Variants in ROBO1 observed in about 807,000 individuals in gnomAD.
ROBO1 encodes roundabout guidance receptor 1, also known as roundabout homolog 1.
Under a neutral mutation model 195.9 loss-of-function variants are expected in ROBO1, and 149 were observed. That is an observed-to-expected ratio of 0.76 (90% CI 0.67 to 0.87). The LOEUF is 0.87. ROBO1 is among the 40% of genes least tolerant of loss of function. ROBO1 has a pLI of 0.00. For synonymous variants in ROBO1, 816 were observed against 733.2 expected (o/e 1.11, Z -1.82); for missense variants, 1,933 against 2,068.3 (o/e 0.93, Z 1.27).
intron 4 of ROBO1, among the ~76,000 whole-genome samples, chr3:78,884,640 AAAGAAAGAAAGGAAGG>A (rs1225256043): frequency 2.3e-5 from 2 of 87,042 alleles, no homozygotes; most frequent in African/African-American, 1.0e-4. Flanking sequence ...AAAGAGAAAG[AAAGAAAGAAAGGAAGG>A]AAGGAAGGAA....
chr3:79,600,047 G>A (rs979515158), intron 1 of ROBO1, among the ~76,000 whole-genome samples: 1 of 151,584 alleles, frequency 6.6e-6, no homozygotes, highest in African/African-American at 2.4e-5. Context: ...TCAAACAAAA[G>A]CAATTTTCAA....
chr3:79,622,296 T>G (rs1168846499), intron 1 of ROBO1, among the ~76,000 whole-genome samples: 1 of 152,214 alleles, frequency 6.6e-6, no homozygotes, highest in East Asian at 1.9e-4. Flanking sequence ...AGCTGGAACC[T>G]GCTTAAGCCT....
intron 5 of ROBO1, among the ~76,000 whole-genome samples, chr3:78,726,246 GAAT>G (rs1274323887): frequency 1.3e-5 from 2 of 151,838 alleles, no homozygotes; most frequent in African/African-American, 2.4e-5. Flanking sequence ...TCAAAACAAT[GAAT>G]AATAGAATAT....
At chr3:79,280,814 G>A (rs1166813568) in intron 2 of ROBO1, among the ~76,000 whole-genome samples, 2 of 152,152 alleles carry the variant, frequency 1.3e-5, no homozygotes, top group African/African-American at 2.4e-5. Flanking sequence ...TTGCTCGCAT[G>A]CGCACTTCAC....
At chr3:79,734,406 A>C (rs1388613315) in intron 1 of ROBO1, among the ~76,000 whole-genome samples, 2 of 152,152 alleles carry the variant, frequency 1.3e-5, no homozygotes, top group Non-Finnish European at 2.9e-5. Flanking sequence ...CAATTATACT[A>C]TCTGTACTTT....
chr3:79,271,794 G>A (rs973420029), intron 2 of ROBO1, among the ~76,000 whole-genome samples: 1 of 151,940 alleles, frequency 6.6e-6, no homozygotes, highest in African/African-American at 2.4e-5. Context: ...TGGCACATTT[G>A]AGTTACTGAA....
At chr3:78,859,936 G>A (rs578113855) in intron 4 of ROBO1, among the ~76,000 whole-genome samples, 11 of 152,170 alleles carry the variant, frequency 7.2e-5, no homozygotes, top group African/African-American at 1.9e-4. Flanking sequence ...AAAATTAGCC[G>A]GGCGTGGTGG....
intron 16 of ROBO1, 84 bp from the exon 17 acceptor site, chr3:78,659,891 G>T (rs1707279214): frequency 4.0e-5 from 37 of 924,490 alleles, no homozygotes; most frequent in African/African-American, 8.9e-5. Context: ...CCCAATAATA[G>T]ATGTATTAAT....
intron 2 of ROBO1, among the ~76,000 whole-genome samples, chr3:79,357,280 C>A (rs1287468507): frequency 6.6e-6 from 1 of 152,078 alleles, no homozygotes; most frequent in Non-Finnish European, 1.5e-5. Context: ...GTGACAATAA[C>A]CTTTGAGAGC....
At position 79,593,402 on chromosome 3, in the gene ROBO1, A is replaced by G. The variant is rs113004533; in HGVS notation, c.-50-3441T>C. Among the ~76,000 whole-genome samples the G allele has an allele frequency of 9.3e-3, 1,410 of 152,126 alleles. 16 individuals carry two copies. The highest frequency in any genetic ancestry group is 0.032 in the African/African-American group (1,322 of 41,536). ...AATGGGTAAGATTTCCTGTTGCTCA[A>G]CATCCTTGCTAGCAGCTGGTGTTGC... On this transcript the variant is annotated intron_variant, in intron 1 of 30. Coordinates refer to ENST00000464233, the MANE Select transcript of ROBO1 (RefSeq NM_002941.4).
chr3:78,837,790 C>T (rs1002802877), intron 4 of ROBO1, among the ~76,000 whole-genome samples: 1 of 151,604 alleles, frequency 6.6e-6, no homozygotes, highest in African/African-American at 2.4e-5. Context: ...ATTGAATTAA[C>T]AAAAAAATAC....
intron 3 of ROBO1, among the ~76,000 whole-genome samples, chr3:79,006,177 C>T (rs2077615791): frequency 6.6e-6 from 1 of 152,072 alleles, no homozygotes; most frequent in African/African-American, 2.4e-5. Context: ...TGTTTGTTAG[C>T]TTTAGGACAA....
At chr3:78,683,660 C>T (rs1022811377) in intron 10 of ROBO1, among the ~76,000 whole-genome samples, 1 of 151,866 alleles carries the variant, frequency 6.6e-6, no homozygotes, top group Non-Finnish European at 1.5e-5. Flanking sequence ...AATAAGATGC[C>T]ACTGCAATTC....
At chr3:78,620,032 A>T (rs1704362875) in intron 26 of ROBO1, among the ~76,000 whole-genome samples, 1 of 150,788 alleles carries the variant, frequency 6.6e-6, no homozygotes, top group Non-Finnish European at 1.5e-5. Context: ...AAAAAAAAAA[A>T]AATTAATTAC....
intron 8 of ROBO1, among the ~76,000 whole-genome samples, chr3:78,692,702 G>T (rs1484913216): frequency 6.6e-6 from 1 of 152,082 alleles, no homozygotes; most frequent in East Asian, 1.9e-4. Flanking sequence ...TGAAATGATT[G>T]GACCTTCCTC....
intron 2 of ROBO1, among the ~76,000 whole-genome samples, chr3:79,290,961 G>C (rs1559794442): frequency 6.6e-6 from 1 of 152,034 alleles, no homozygotes; most frequent in African/African-American, 2.4e-5. Flanking sequence ...ATTATCCTGA[G>C]GGATTTCAAT....
At position 78,751,511 on chromosome 3, in the gene ROBO1, T is replaced by C. The variant is rs111328291; in HGVS notation, c.500-4611A>G. On this transcript the variant is annotated intron_variant, in intron 4 of 30. Coordinates refer to ENST00000464233, the MANE Select transcript of ROBO1 (RefSeq NM_002941.4). ...CAAGCTAGAATATAGAACTCCAGTA[T>C]GTAAAGAACACTCCTCTACCAAGTT... is the stretch of plus-strand genomic sequence containing the variant. Among the ~76,000 whole-genome samples, 88 of 152,232 alleles carry C rather than the reference T, an allele frequency of 5.8e-4. 1 individual carries two copies. The highest frequency in any genetic ancestry group is 2.1e-3 in the African/African-American group (86 of 41,544).
intron 4 of ROBO1, among the ~76,000 whole-genome samples, chr3:78,762,581 T>C (rs1307651824): frequency 6.6e-6 from 1 of 152,032 alleles, no homozygotes; most frequent in Admixed American, 6.6e-5. Flanking sequence ...AATCATGCAT[T>C]TCTTAAGTTA....
intron 2 of ROBO1, among the ~76,000 whole-genome samples, chr3:79,438,740 C>A (rs556696106): frequency 2.0e-5 from 3 of 152,020 alleles, no homozygotes; most frequent in Non-Finnish European, 4.4e-5. Flanking sequence ...TCCTTCATTT[C>A]TATTTACATA....
Sources: allele counts gnomAD v4.1 joint callset (sites outside exome capture counted in the v4.1 genomes callset), GRCh38; gene constraint gnomAD v4.1.1; transcripts MANE v1.5; gene names NCBI Gene and HGNC (gene_info 2026-07-23, HGNC 2026-07-21).